Variants in SUFU observed in about 807,000 individuals in gnomAD.
SUFU encodes suppressor of fused homolog.
Under a neutral mutation model 58.9 loss-of-function variants are expected in SUFU, and 7 were observed. The observed-to-expected ratio is 0.12, with a 90% CI of 0.07 to 0.22. The LOEUF (loss-of-function observed/expected upper bound fraction) is 0.22. Among genes scored for constraint, SUFU ranks in the 10% least tolerant of loss-of-function variants. The pLI is 1.00. For missense variants in SUFU, 451 were observed against 641.3 expected, an observed-to-expected ratio of 0.70 and a Z score of 3.20; for synonymous variants, 232 against 254.8, an observed-to-expected ratio of 0.91 and a Z score of 0.85.
intron 8 of SUFU, among the ~76,000 whole-genome samples, chr10:102,613,007 A>T (rs140484278): frequency 6.6e-6 from 1 of 152,128 alleles, no homozygotes; most frequent in African/African-American, 2.4e-5. Flanking sequence ...AGGGCACCCT[A>T]TGTCTCCACT....
At chr10:102,525,458 C>T (rs1269183190) in intron 2 of SUFU, among the ~76,000 whole-genome samples, 1 of 151,908 alleles carries the variant, frequency 6.6e-6, no homozygotes, top group East Asian at 1.9e-4. Context: ...CAGCAACTGG[C>T]ACAGTGCTTA....
intron 3 of SUFU, among the ~76,000 whole-genome samples, chr10:102,568,593 G>A (rs531996424): frequency 1.3e-5 from 2 of 151,882 alleles, no homozygotes; most frequent in Non-Finnish European, 2.9e-5. Flanking sequence ...CTATAGTTCA[G>A]CCGGGCACAG....
intron 8 of SUFU, among the ~76,000 whole-genome samples, chr10:102,606,264 A>G (rs749275161): frequency 6.6e-6 from 1 of 152,262 alleles, no homozygotes; most frequent in Non-Finnish European, 1.5e-5. Context: ...AGAATGTGTT[A>G]TATAGACAGG....
chr10:102,580,027 G>GCTCCCCCCC (rs1378925159), intron 3 of SUFU, among the ~76,000 whole-genome samples: 1 of 41,954 alleles, frequency 2.4e-5, no homozygotes, highest in Admixed American at 2.7e-4. Flanking sequence ...CTCCTCCCCC[G>GCTCCCCCCC]CACCCCCCCC....
chr10:102,580,032 C>CCCCA (rs1554850787), intron 3 of SUFU, among the ~76,000 whole-genome samples: 1 of 79,292 alleles, frequency 1.3e-5, no homozygotes. Context: ...CCCCCGCACC[C>CCCCA]CCCCCCCGCC....
chr10:102,549,475 G>A (rs921072967), intron 2 of SUFU, among the ~76,000 whole-genome samples: 1 of 152,160 alleles, frequency 6.6e-6, no homozygotes, highest in African/African-American at 2.4e-5. Context: ...CCCTTTACAC[G>A]TGGAGACTAT....
intron 6 of SUFU, among the ~76,000 whole-genome samples, chr10:102,595,330 C>T (rs1206778577): frequency 6.6e-6 from 1 of 152,180 alleles, no homozygotes; most frequent in East Asian, 1.9e-4. Context: ...TTTCCTAGTG[C>T]CTTTAACACT....
At chr10:102,593,961 G>A in intron 5 of SUFU, 32 bp from the exon 6 acceptor site, 1 of 1,613,690 alleles carries the variant, frequency 6.2e-7, no homozygotes, top group South Asian at 1.1e-5. Flanking sequence ...CAGACCCTCA[G>A]TTACCATTGT....
At chr10:102,555,035 G>A (rs1490723523) in intron 3 of SUFU, among the ~76,000 whole-genome samples, 4 of 152,090 alleles carry the variant, frequency 2.6e-5, no homozygotes, top group South Asian at 4.1e-4. Context: ...CTGGGAGGCC[G>A]AGGCGGGCGA....
intron 3 of SUFU, among the ~76,000 whole-genome samples, chr10:102,563,159 TG>T (rs1466684538): frequency 6.6e-6 from 1 of 152,106 alleles, no homozygotes; most frequent in African/African-American, 2.4e-5. Context: ...AGAGAGGACT[TG>T]GGGAAAAGGA....
intron 2 of SUFU, among the ~76,000 whole-genome samples, chr10:102,541,749 C>T (rs2062803499): frequency 8.0e-6 from 1 of 125,062 alleles, no homozygotes; most frequent in Non-Finnish European, 1.6e-5. Flanking sequence ...GCTCTTGGTG[C>T]CCAAGCTGGA....
At chr10:102,514,253 G>C (rs1205509454) in intron 2 of SUFU, among the ~76,000 whole-genome samples, 1 of 152,142 alleles carries the variant, frequency 6.6e-6, no homozygotes, top group Non-Finnish European at 1.5e-5. Context: ...CTCACAGCCT[G>C]TTGAGGGTAG....
chr10:102,570,335 A>G (rs1204349534), intron 3 of SUFU, among the ~76,000 whole-genome samples: 2 of 151,934 alleles, frequency 1.3e-5, no homozygotes, highest in Non-Finnish European at 2.9e-5. Flanking sequence ...TCCGCCTCCC[A>G]GGTTCAAGCA....
At chr10:102,525,080 G>A (rs531535931) in intron 2 of SUFU, among the ~76,000 whole-genome samples, 5 of 152,272 alleles carry the variant, frequency 3.3e-5, no homozygotes, top group African/African-American at 1.2e-4. Flanking sequence ...TGGAAAAATT[G>A]TCTGAACCTT....
chr10:102,504,644 C>A (rs1450124547), intron 1 of SUFU, among the ~76,000 whole-genome samples: 3 of 117,274 alleles, frequency 2.6e-5, no homozygotes, highest in Non-Finnish European at 5.3e-5. Context: ...AAAGAGGGGG[C>A]GCCTGTAGGG....
At chr10:102,526,378 C>T (rs1019110061) in intron 2 of SUFU, among the ~76,000 whole-genome samples, 3 of 151,874 alleles carry the variant, frequency 2.0e-5, no homozygotes, top group African/African-American at 7.3e-5. Context: ...TGTGGTGAAA[C>T]CCCATCTCTA....
At chr10:102,580,334 T>C (rs1431643231) in intron 3 of SUFU, among the ~76,000 whole-genome samples, 23 of 152,220 alleles carry the variant, frequency 1.5e-4, no homozygotes, top group Non-Finnish European at 2.9e-5. Context: ...AGGATGTGTT[T>C]ATTTTTTTTG....
At chr10:102,507,248 A>G (rs1210173188) in intron 1 of SUFU, among the ~76,000 whole-genome samples, 1 of 152,176 alleles carries the variant, frequency 6.6e-6, no homozygotes, top group Non-Finnish European at 1.5e-5. Flanking sequence ...GGCTGCAGGG[A>G]TGCTGCAGAT....
chr10:102,511,403 C>A (rs575493730), intron 2 of SUFU, among the ~76,000 whole-genome samples: 4 of 152,010 alleles, frequency 2.6e-5, no homozygotes, highest in Non-Finnish European at 5.9e-5. Context: ...TTGGTGGTGG[C>A]TGCTTAACCT....
Sources: gnomAD v4.1 joint callset for allele counts (sites outside exome capture counted in the v4.1 genomes callset) on GRCh38, gnomAD v4.1.1 for gene constraint, MANE v1.5 for transcripts, NCBI Gene and HGNC (gene_info 2026-07-23, HGNC 2026-07-21) for gene names.